The following AFF2 variants were observed in gnomAD, a reference collection of about 807,000 sequenced individuals.
AFF2 encodes AF4/FMR2 family member 2.
A neutral mutation model predicts 76.9 loss-of-function variants in AFF2; 14 were observed. The ratio of observed to expected loss-of-function variants is 0.18; its 90% CI spans 0.12 to 0.28. AFF2 has a LOEUF of 0.28. Ranked by LOEUF, AFF2 falls within the 10% of genes least tolerant of loss-of-function variation. The pLI is 1.00. For synonymous variants in AFF2, 398 were observed against 366.7 expected (o/e 1.09, Z -0.98); for missense variants, 868 against 1,001.1 (o/e 0.87, Z 1.79).
rs1557261815 is a variant in AFF2, at chrX:148,701,053, T to TG, written c.1041+38285_1041+38286insG. 2.8e-5 allele frequency among the ~76,000 whole-genome samples: 3 copies of TG among 108,225 alleles called. No homozygotes were observed. The South Asian group carries it at 1.2e-3, about 43-fold the overall frequency. The allele number at this position is 108,225 out of a possible 115,157, so 94.0% of individuals were successfully genotyped here. A position where few individuals can be genotyped will look rare whatever the true frequency, so the allele number is the denominator to read the frequency against. On this transcript the variant is annotated intron_variant, in intron 3 of 20. Coordinates refer to ENST00000370460, the MANE Select transcript of AFF2 (RefSeq NM_002025.4). ...GTGTGTGTGTGTGTGTGTGTGTGTGTTTTGTGCCCATGTGCACATGTGCCC... is the reference window on the plus strand; with the variant it reads ...GTGTGTGTGTGTGTGTGTGTGTGTGTGTTTGTGCCCATGTGCACATGTGCCC...
chrX:148,864,202 A>T (rs182513897), intron 7 of AFF2, among the ~76,000 whole-genome samples: 1 of 111,929 alleles, frequency 8.9e-6, no homozygotes, highest in East Asian at 2.8e-4. Flanking sequence ...CCCAGAGTGT[A>T]TTGGCTTCAA....
At chrX:148,903,937 A>T (rs1432521457) in intron 8 of AFF2, among the ~76,000 whole-genome samples, 1 of 111,530 alleles carries the variant, frequency 9.0e-6, no homozygotes, top group Non-Finnish European at 1.9e-5. Flanking sequence ...TTATGCACCC[A>T]GAAGTCCACT....
chrX:148,517,954 C>T (rs2052555095), intron 1 of AFF2, among the ~76,000 whole-genome samples: 1 of 103,356 alleles, frequency 9.7e-6, no homozygotes, highest in African/African-American at 3.6e-5. Flanking sequence ...ACCTGGGAGG[C>T]GGGGCTTGCA....
rs2072561753 is a variant in AFF2, at chrX:148,993,878, G to T, written c.*2546G>T. On this transcript the variant is annotated 3_prime_UTR_variant, in exon 21 of 21. Coordinates refer to ENST00000370460, the MANE Select transcript of AFF2 (RefSeq NM_002025.4). ...ATCCCTTGAGATAAGACATCTTTCA[G>T]TTTCATGATTAAGGATTGTTGCTGT... The T allele has an allele frequency of 8.9e-6, 1 of 112,374 alleles. No individual in the cohort carries two copies. The highest frequency in any genetic ancestry group is 3.2e-5 in the African/African-American group (1 of 30,814). The allele number at this position is 112,374 out of a possible 1,213,427, so 9.3% of individuals were successfully genotyped here.
In AFF2 at chrX:148,662,618, G is replaced by A. The variant is rs373944993; in HGVS notation, c.891G>A (p.Gln297=). ...TCAGACCCATGGATGGCCAGGACCA[G>A]GCACCGGACATCTCACCAACACTGA... is the stretch of plus-strand genomic sequence containing the variant. ...AYVRPMDGQD[Q]APDISPTLKP... The change falls in exon 3 of 21, where the codon CAG becomes CAA. Residue 297 remains glutamine (Q), a synonymous_variant. Transcript: ENST00000370460. The A allele has an allele frequency of 2.4e-5, 29 of 1,209,823 alleles. No homozygotes were observed. Among genetic ancestry groups the A allele is most frequent in the Non-Finnish European group, 2.8e-5 (25 of 895,275 alleles).
At chrX:148,546,354 G>A (rs1403077361) in intron 1 of AFF2, among the ~76,000 whole-genome samples, 1 of 111,712 alleles carries the variant, frequency 9.0e-6, no homozygotes, top group Non-Finnish European at 1.9e-5. Flanking sequence ...GGCATAAACT[G>A]ACCTCATGAC....
At chrX:148,765,692 A>T (rs1355328015) in intron 3 of AFF2, among the ~76,000 whole-genome samples, 4 of 108,752 alleles carry the variant, frequency 3.7e-5, no homozygotes, top group Non-Finnish European at 7.6e-5. Flanking sequence ...TTATTTATTT[A>T]TTTATTTTTA....
chrX:148,665,803 G>T (rs2054352826), intron 3 of AFF2, among the ~76,000 whole-genome samples: 1 of 111,750 alleles, frequency 8.9e-6, no homozygotes, highest in East Asian at 2.8e-4. Context: ...CTAGGTTCCG[G>T]GTCTCTAGTC....
intron 3 of AFF2, among the ~76,000 whole-genome samples, chrX:148,693,107 C>CG (rs1305413217): frequency 1.8e-5 from 2 of 110,561 alleles, no homozygotes; most frequent in Non-Finnish European, 3.8e-5. Context: ...TTAGTAGAGA[C>CG]GGGGTTTCAC....
At chrX:148,650,404 C>T (rs147241408) in intron 1 of AFF2, among the ~76,000 whole-genome samples, 1,981 of 111,451 alleles carry the variant, frequency 0.018, 15 homozygotes, top group Non-Finnish European at 0.024. Context: ...TCTTCCTTGA[C>T]CAGGCAAGGC....
rs1230250586 is a variant in AFF2 at position 148,530,295 on chromosome X, G to A, written c.47+29151G>A. Among the ~76,000 whole-genome samples, 8 of 111,693 alleles carry A rather than the reference G, an allele frequency of 7.2e-5. No individual in the cohort carries two copies. In the Admixed American group the frequency reaches 7.6e-4, roughly 11 times the overall value. ...ATTGAAGAGCAGATACTCAATATAT[G>A]GTAGCTATTGTTAATATTATATAAT... is the stretch of plus-strand genomic sequence containing the variant. On this transcript the variant is annotated intron_variant, in intron 1 of 20. Transcript: ENST00000370460.
intron 3 of AFF2, among the ~76,000 whole-genome samples, chrX:148,747,426 CA>C (rs199552847): frequency 9.3e-6 from 1 of 108,070 alleles, no homozygotes; most frequent in Non-Finnish European, 1.9e-5. Flanking sequence ...AGCACTCACG[CA>C]AAAAAAAATA....
intron 1 of AFF2, among the ~76,000 whole-genome samples, chrX:148,586,601 T>C (rs1362506180): frequency 8.9e-6 from 1 of 112,225 alleles, no homozygotes. Flanking sequence ...GTAGTTTAAA[T>C]ATTTGAGACA....
chrX:148,963,688 G>A (rs2072137907), intron 13 of AFF2, among the ~76,000 whole-genome samples: 1 of 111,740 alleles, frequency 8.9e-6, no homozygotes. Context: ...TTTCCAGTCA[G>A]ATGTGCCAGG....
intron 10 of AFF2, 89 bp downstream of exon 10, chrX:148,953,828 C>T: frequency 1.4e-6 from 1 of 729,938 alleles, no homozygotes; most frequent in Non-Finnish European, 2.0e-6. Flanking sequence ...CACACACACA[C>T]ACACACACTT....
At chrX:148,701,256 G>A (rs782133877) in intron 3 of AFF2, among the ~76,000 whole-genome samples, 8 of 111,685 alleles carry the variant, frequency 7.2e-5, no homozygotes, top group African/African-American at 2.6e-4. Context: ...GCATTTTGAT[G>A]AGCACAAGCT....
At chrX:148,962,559 ATCTATG>A (rs1260381467) in intron 12 of AFF2, among the ~76,000 whole-genome samples, 150 bp from the exon 13 acceptor site, 1 of 111,901 alleles carries the variant, frequency 8.9e-6, no homozygotes, top group African/African-American at 3.2e-5. Context: ...AGATATCTAT[ATCTATG>A]TCTATATGCA....
chrX:148,933,105 A>G (rs971186593), intron 9 of AFF2, among the ~76,000 whole-genome samples: 12 of 112,331 alleles, frequency 1.1e-4, no homozygotes, highest in Non-Finnish European at 1.5e-4. Context: ...TGAGAGCTGC[A>G]TCGAGCAAAG....
At chrX:148,941,193 C>A (rs1162189132) in intron 9 of AFF2, among the ~76,000 whole-genome samples, 1 of 111,073 alleles carries the variant, frequency 9.0e-6, no homozygotes, top group Non-Finnish European at 1.9e-5. Flanking sequence ...GATTTCCAGG[C>A]CCATTTATCA....
Sources: allele counts gnomAD v4.1 joint callset (sites outside exome capture counted in the v4.1 genomes callset), GRCh38; gene constraint gnomAD v4.1.1; transcripts MANE v1.5; gene names NCBI Gene and HGNC (gene_info 2026-07-23, HGNC 2026-07-21).